Variants in HADH observed in about 807,000 individuals in gnomAD.
HADH encodes the protein hydroxyacyl-coenzyme A dehydrogenase, mitochondrial.
HADH carries 24 observed loss-of-function variants against 32.2 expected under a neutral mutation model. That is an observed-to-expected ratio of 0.75 (90% confidence interval 0.54 to 1.05). The LOEUF is 1.05. Among genes scored for constraint, HADH ranks in the 50% least tolerant of loss-of-function variants. The pLI is 0.00. For missense variants in HADH, 350 were observed against 397.1 expected, an observed-to-expected ratio of 0.88 and a Z score of 1.01; for synonymous variants, 139 against 152.5, an observed-to-expected ratio of 0.91 and a Z score of 0.65.
In HADH at chr4:108,014,459, T is replaced by C; in HGVS notation, c.290T>C (p.Leu97Pro). Residue 97 changes from leucine (L) to proline (P), a missense_variant, in exon 3 of 8, where the codon CTG becomes CCG. Coordinates refer to ENST00000309522, the MANE Select transcript of HADH (RefSeq NM_005327.7). ...KAGDEFVEKT[L>P]STIATSTDAA... ...GGCGATGAATTTGTGGAGAAGACCCTGAGCACCATAGCGACCAGCACGGAT... is the reference window on the plus strand; with the variant it reads ...GGCGATGAATTTGTGGAGAAGACCCCGAGCACCATAGCGACCAGCACGGAT... The C allele has an allele frequency of 1.9e-6, 3 of 1,614,164 alleles. No individual in the cohort carries two copies. Among genetic ancestry groups the C allele is most frequent in the Non-Finnish European group, 2.5e-6 (3 of 1,180,030 alleles).
At chr4:108,028,867 A>T (rs1038694866) in intron 6 of HADH, 4 of 398,236 alleles carry the variant, frequency 1.0e-5, no homozygotes, top group African/African-American at 8.2e-5. Context: ...CAAGTATCAG[A>T]TGGTAAGTTG....
At chr4:108,032,380 A>G (rs778576530) in intron 6 of HADH, 1 of 1,589,852 alleles carries the variant, frequency 6.3e-7, no homozygotes, top group Non-Finnish European at 8.6e-7. Flanking sequence ...TTTAAAAGGT[A>G]TCTTGACTAA....
At chr4:108,006,296 G>A (rs1560726456) in intron 1 of HADH, among the ~76,000 whole-genome samples, 1 of 152,142 alleles carries the variant, frequency 6.6e-6, no homozygotes, top group Non-Finnish European at 1.5e-5. Flanking sequence ...GTGGTTTGAG[G>A]AGATAGATGG....
chr4:108,009,968 TC>T, intron 2 of HADH, 81 bp downstream of exon 2: 2 of 898,224 alleles, frequency 2.2e-6, no homozygotes, highest in Admixed American at 2.8e-5. Context: ...TTTCTGGCTT[TC>T]TTTCTTTCTT....
At position 108,009,760 on chromosome 4, in the gene HADH, TTGC is replaced by T. The variant is rs1560728302; in HGVS notation, c.138_140del (p.Ala48del). 6.2e-7 allele frequency: 1 copy of T among 1,613,744 alleles called. No individual in the cohort carries two copies. Among genetic ancestry groups the T allele is most frequent in the Non-Finnish European group, 8.5e-7 (1 of 1,179,686 alleles). ...GAAATTGTTCTTTTGTTGCTCTAGG[TTGC>T]TGCAGCAACTGGTCACACAGTAGTG... is the stretch of plus-strand genomic sequence containing the variant. On this transcript the variant is annotated inframe_deletion and splice_region_variant, in exon 2 of 8. Transcript: ENST00000309522.
At chr4:108,019,779 G>A in intron 4 of HADH, 113 bp downstream of exon 4, 1 of 1,220,106 alleles carries the variant, frequency 8.2e-7, no homozygotes, top group Middle Eastern at 2.5e-4. Flanking sequence ...TTTAACCTGA[G>A]GGTAGAAGGT....
chr4:108,007,953 C>G (rs1009950830), intron 1 of HADH, among the ~76,000 whole-genome samples: 1 of 152,110 alleles, frequency 6.6e-6, no homozygotes, highest in East Asian at 1.9e-4. Context: ...GAACCTTGCA[C>G]TTTTAGATTG....
chr4:108,007,540 A>G (rs953108755), intron 1 of HADH, among the ~76,000 whole-genome samples: 2 of 152,228 alleles, frequency 1.3e-5, no homozygotes, highest in African/African-American at 4.8e-5. Context: ...CAGGTGGCCT[A>G]TGGCTGCTCA....
rs575165416 is a variant in HADH, at chr4:107,999,098, C to T, written c.132+9034C>T. Among the ~76,000 whole-genome samples the T allele has an allele frequency of 2.6e-5, 4 of 152,270 alleles. No homozygotes were observed. In the East Asian group the frequency reaches 7.7e-4, roughly 29 times the overall value. On this transcript the variant is annotated intron_variant, in intron 1 of 7. Coordinates refer to ENST00000309522, the MANE Select transcript of HADH (RefSeq NM_005327.7). The stretch of plus-strand genomic sequence containing the variant: ...TTCCCTTCTGTGATAGAGAAGAAAC[C>T]TGTGTTGGAGAGCAGTGAGCTTATG...
intron 4 of HADH, among the ~76,000 whole-genome samples, chr4:108,022,465 C>T (rs887571162): frequency 9.9e-5 from 15 of 152,004 alleles, no homozygotes; most frequent in African/African-American, 3.4e-4. Context: ...TGGCAGGCCC[C>T]GCTTGCTGTA....
At chr4:107,994,246 C>A (rs1355153958) in intron 1 of HADH, among the ~76,000 whole-genome samples, 1 of 149,310 alleles carries the variant, frequency 6.7e-6, no homozygotes, top group African/African-American at 2.5e-5. Flanking sequence ...TTTTTTTTTT[C>A]CTCCTTTTTA....
chr4:107,994,612 A>G (rs915670519), intron 1 of HADH, among the ~76,000 whole-genome samples: 1 of 152,230 alleles, frequency 6.6e-6, no homozygotes, highest in Non-Finnish European at 1.5e-5. Flanking sequence ...GGATCACAGG[A>G]GACCAGCAGT....
chr4:108,009,052 A>G (rs1351455331), intron 1 of HADH, among the ~76,000 whole-genome samples: 1 of 152,220 alleles, frequency 6.6e-6, no homozygotes, highest in Non-Finnish European at 1.5e-5. Flanking sequence ...GGCATGGTGA[A>G]GGCAGGGAAT....
intron 3 of HADH, among the ~76,000 whole-genome samples, chr4:108,018,702 CT>C (rs1735776591): frequency 6.6e-6 from 1 of 152,144 alleles, no homozygotes; most frequent in African/African-American, 2.4e-5. Flanking sequence ...GGATCCTTTC[CT>C]TTCCTGCCCT....
intron 3 of HADH, among the ~76,000 whole-genome samples, chr4:108,019,100 A>C (rs1294673778): frequency 6.6e-6 from 1 of 152,072 alleles, no homozygotes; most frequent in African/African-American, 2.4e-5. Flanking sequence ...TTGAGGATTT[A>C]TGTGTTCATT....
At chr4:108,028,663 C>CT in intron 6 of HADH, 1 of 391,220 alleles carries the variant, frequency 2.6e-6, no homozygotes, top group Non-Finnish European at 4.5e-6. Flanking sequence ...ACCAACAGTT[C>CT]TGGTTTATCT....
intron 6 of HADH, 181 bp downstream of exon 6, chr4:108,027,941 C>A: frequency 1.6e-6 from 1 of 642,872 alleles, no homozygotes; most frequent in Non-Finnish European, 2.8e-6. Flanking sequence ...TTTCCCAGGG[C>A]CTCCTGGCTT....
intron 6 of HADH, chr4:108,030,338 T>G (rs887774573): frequency 1.3e-5 from 2 of 152,650 alleles, no homozygotes; most frequent in African/African-American, 4.8e-5. Context: ...CACTTGTCAC[T>G]GTCTTCCCTG....
At chr4:108,008,840 C>T (rs1450788056) in intron 1 of HADH, among the ~76,000 whole-genome samples, 1 of 152,154 alleles carries the variant, frequency 6.6e-6, no homozygotes, top group African/African-American at 2.4e-5. Context: ...TTACACGTGC[C>T]TATAAGGTGA....
Sources: gnomAD v4.1 joint callset for allele counts (sites outside exome capture counted in the v4.1 genomes callset) on GRCh38, gnomAD v4.1.1 for gene constraint, MANE v1.5 for transcripts, NCBI Gene and HGNC (gene_info 2026-07-23, HGNC 2026-07-21) for gene names.